CEP112: variants seen among roughly 807,000 people sequenced by gnomAD.
CEP112 encodes the protein centrosomal protein 112, also known as centrosomal protein of 112 kDa.
A neutral mutation model predicts 153.0 loss-of-function variants in CEP112; 127 were observed. That is an observed-to-expected ratio of 0.83 (90% confidence interval 0.72 to 0.96). CEP112 has a LOEUF of 0.96. CEP112 is among the 40% of genes least tolerant of loss of function. CEP112 has a pLI of 0.00. For missense variants in CEP112, 1,089 were observed against 1,101.2 expected (o/e 0.99, Z 0.16); for synonymous variants, 358 against 374.4 (o/e 0.96, Z 0.51).
intron 24 of CEP112, among the ~76,000 whole-genome samples, chr17:65,660,208 T>C (rs149658072): frequency 5.7e-3 from 238 of 41,758 alleles, no homozygotes; most frequent in African/African-American, 0.028. Flanking sequence ...TCCTTCCTTC[T>C]TTCCTTCCCT....
chr17:65,871,282 G>A (rs1477034386), intron 20 of CEP112, among the ~76,000 whole-genome samples: 1 of 152,048 alleles, frequency 6.6e-6, no homozygotes, highest in Non-Finnish European at 1.5e-5. Flanking sequence ...ACTTCTAACG[G>A]CATTTCCCTC....
chr17:65,656,194 ACT>A (rs2046054835), intron 24 of CEP112, among the ~76,000 whole-genome samples: 1 of 152,048 alleles, frequency 6.6e-6, no homozygotes, highest in East Asian at 1.9e-4. Context: ...AAGGATGCAG[ACT>A]CTCTCATCCA....
intron 18 of CEP112, among the ~76,000 whole-genome samples, chr17:65,933,536 T>C (rs1043673139): frequency 6.6e-6 from 1 of 152,126 alleles, no homozygotes; most frequent in African/African-American, 2.4e-5. Context: ...AGATATATAC[T>C]CAAAGTACTG....
chr17:66,081,373 T>A (rs2067710461), intron 8 of CEP112, among the ~76,000 whole-genome samples: 1 of 152,052 alleles, frequency 6.6e-6, no homozygotes, highest in Non-Finnish European at 1.5e-5. Flanking sequence ...GAGAATATGA[T>A]TACAAATGGT....
At chr17:65,736,535 G>A (rs910166199) in intron 23 of CEP112, among the ~76,000 whole-genome samples, 6 of 152,148 alleles carry the variant, frequency 3.9e-5, no homozygotes, top group African/African-American at 1.4e-4. Context: ...GGACAATCCA[G>A]TGTATATAGA....
At chr17:66,131,701 G>A (rs2146537471) in intron 5 of CEP112, among the ~76,000 whole-genome samples, 1 of 151,376 alleles carries the variant, frequency 6.6e-6, no homozygotes, top group East Asian at 2.0e-4. Context: ...AGATCATGCA[G>A]GTGCCACTGC....
chr17:65,897,061 T>A (rs1030674714), intron 20 of CEP112, among the ~76,000 whole-genome samples: 3 of 152,096 alleles, frequency 2.0e-5, no homozygotes, highest in African/African-American at 7.2e-5. Flanking sequence ...CATCAGGGGA[T>A]GAGTAGCACA....
At chr17:65,789,377 T>G (rs2054467037) in intron 21 of CEP112, among the ~76,000 whole-genome samples, 1 of 152,182 alleles carries the variant, frequency 6.6e-6, no homozygotes, top group Non-Finnish European at 1.5e-5. Context: ...CCCACCATCT[T>G]TCAACTGATA....
At chr17:66,189,566 A>C (rs1284774176) in intron 1 of CEP112, among the ~76,000 whole-genome samples, 1 of 151,972 alleles carries the variant, frequency 6.6e-6, no homozygotes, top group African/African-American at 2.4e-5. Flanking sequence ...ATTGACATGC[A>C]ATATTGAAGT....
chr17:65,845,812 A>G (rs1036285209), intron 21 of CEP112, among the ~76,000 whole-genome samples: 3 of 152,158 alleles, frequency 2.0e-5, no homozygotes, highest in African/African-American at 7.2e-5. Flanking sequence ...ACTTTGCAAA[A>G]TGTCAATCAT....
At chr17:65,650,823 G>A (rs189365111) in intron 24 of CEP112, among the ~76,000 whole-genome samples, 7 of 151,266 alleles carry the variant, frequency 4.6e-5, no homozygotes, top group South Asian at 2.1e-4. Flanking sequence ...CAGGAGAATC[G>A]CTTGAACCCA....
chr17:65,684,057 A>C (rs775048954), intron 24 of CEP112, among the ~76,000 whole-genome samples: 10 of 152,132 alleles, frequency 6.6e-5, no homozygotes, highest in Non-Finnish European at 1.2e-4. Context: ...AAAAACAAAA[A>C]CAAAAACAAA....
intron 21 of CEP112, among the ~76,000 whole-genome samples, chr17:65,835,924 G>C (rs2057289458): frequency 6.6e-6 from 1 of 152,134 alleles, no homozygotes; most frequent in African/African-American, 2.4e-5. Flanking sequence ...TTGGCTAAGA[G>C]GCAATATAAG....
At chr17:65,724,844 C>A (rs762404720) in intron 23 of CEP112, among the ~76,000 whole-genome samples, 13 of 152,174 alleles carry the variant, frequency 8.5e-5, no homozygotes, top group Non-Finnish European at 1.8e-4. Context: ...CCATTTCAGT[C>A]TAGCCCCTTT....
At chr17:65,928,763 C>T (rs535547464) in intron 18 of CEP112, among the ~76,000 whole-genome samples, 3 of 152,078 alleles carry the variant, frequency 2.0e-5, no homozygotes, top group Non-Finnish European at 4.4e-5. Flanking sequence ...ATTCGAGAGG[C>T]TAAGGCAGCA....
intron 21 of CEP112, among the ~76,000 whole-genome samples, chr17:65,775,789 C>T (rs554502970): frequency 6.6e-6 from 1 of 152,322 alleles, no homozygotes; most frequent in Non-Finnish European, 1.5e-5. Flanking sequence ...AGGCATGAGC[C>T]ATTGCGCCCA....
intron 17 of CEP112, among the ~76,000 whole-genome samples, chr17:65,990,669 C>T (rs983953035): frequency 6.6e-6 from 1 of 152,246 alleles, no homozygotes; most frequent in Non-Finnish European, 1.5e-5. Flanking sequence ...AGCTGGAGTG[C>T]TCTGGGACCT....
intron 21 of CEP112, among the ~76,000 whole-genome samples, chr17:65,818,763 C>T (rs1050355344): frequency 6.6e-6 from 1 of 151,890 alleles, no homozygotes; most frequent in Non-Finnish European, 1.5e-5. Context: ...CAAGTAAATA[C>T]TATCTGCTCA....
chr17:66,088,479 G>A (rs1191290342), intron 8 of CEP112, among the ~76,000 whole-genome samples: 3 of 151,734 alleles, frequency 2.0e-5, no homozygotes, highest in African/African-American at 7.3e-5. Flanking sequence ...CAGCCTCCAT[G>A]CTGGCCCATG....
Sources: gnomAD v4.1 joint callset for allele counts (sites outside exome capture counted in the v4.1 genomes callset) on GRCh38, gnomAD v4.1.1 for gene constraint, MANE v1.5 for transcripts, NCBI Gene and HGNC (gene_info 2026-07-23, HGNC 2026-07-21) for gene names.